Variants in WWOX observed in about 807,000 individuals in gnomAD.
WWOX encodes the protein WW domain-containing oxidoreductase.
In WWOX, 69 loss-of-function variants were observed where a neutral mutation model predicts 46.2. The ratio of observed to expected loss-of-function variants is 1.49; its 90% confidence interval spans 1.23 to 1.82. The LOEUF is 1.82. WWOX is among the 40% of genes most tolerant of loss of function. The pLI, the probability that WWOX is intolerant of heterozygous loss-of-function variation, is 0.00. For missense variants in WWOX, 919 were observed against 542.6 expected, an observed-to-expected ratio of 1.69 and a Z score of -6.89; for synonymous variants, 359 against 202.6, an observed-to-expected ratio of 1.77 and a Z score of -6.56.
intron 8 of WWOX, among the ~76,000 whole-genome samples, chr16:79,168,198 A>C (rs1039434758): frequency 3.3e-5 from 5 of 152,174 alleles, no homozygotes; most frequent in African/African-American, 7.2e-5. Flanking sequence ...ACATTTGTAT[A>C]CAAGTTTCTG....
At chr16:78,732,830 C>A (rs936985698) in intron 8 of WWOX, among the ~76,000 whole-genome samples, 49 of 152,276 alleles carry the variant, frequency 3.2e-4, no homozygotes, top group African/African-American at 1.1e-3. Context: ...ATTTCTGTAA[C>A]TCTTAGGCAG....
intron 8 of WWOX, among the ~76,000 whole-genome samples, chr16:78,606,663 A>C (rs1217008423): frequency 2.6e-5 from 4 of 151,988 alleles, no homozygotes; most frequent in East Asian, 3.8e-4. Context: ...ACATCCAGAC[A>C]AATGTGAAGC....
At chr16:78,867,585 G>C (rs144103332) in intron 8 of WWOX, among the ~76,000 whole-genome samples, 43 of 151,756 alleles carry the variant, frequency 2.8e-4, no homozygotes, top group Middle Eastern at 3.4e-3. Context: ...CTTTCACCCA[G>C]GCTGGAGTGC....
chr16:79,161,210 A>T (rs2050480166), intron 8 of WWOX, among the ~76,000 whole-genome samples: 3 of 152,180 alleles, frequency 2.0e-5, no homozygotes, highest in Admixed American at 6.5e-5. Context: ...ATATGACATG[A>T]CATTTGAGTG....
At chr16:78,839,566 C>G (rs532539881) in intron 8 of WWOX, among the ~76,000 whole-genome samples, 1 of 152,138 alleles carries the variant, frequency 6.6e-6, no homozygotes, top group African/African-American at 2.4e-5. Context: ...ATAAATATTA[C>G]TTATGTCTAT....
intron 8 of WWOX, among the ~76,000 whole-genome samples, chr16:78,592,198 C>T (rs374375975): frequency 4.6e-5 from 7 of 152,102 alleles, no homozygotes; most frequent in Non-Finnish European, 1.0e-4. Context: ...TTTTGCAAAG[C>T]GGATGTGTTT....
intron 5 of WWOX, among the ~76,000 whole-genome samples, chr16:78,357,903 G>T (rs753051984): frequency 6.6e-6 from 1 of 152,208 alleles, no homozygotes; most frequent in Non-Finnish European, 1.5e-5. Context: ...TTCTGTGCCT[G>T]TTTTCTTGCC....
At chr16:78,426,866 G>A (rs1445489780) in intron 7 of WWOX, among the ~76,000 whole-genome samples, 1 of 152,164 alleles carries the variant, frequency 6.6e-6, no homozygotes, top group Non-Finnish European at 1.5e-5. Flanking sequence ...GTTTCACCAT[G>A]TTGGCCAGGA....
At chr16:78,879,948 T>G (rs1327903675) in intron 8 of WWOX, among the ~76,000 whole-genome samples, 1 of 152,162 alleles carries the variant, frequency 6.6e-6, no homozygotes, top group Non-Finnish European at 1.5e-5. Flanking sequence ...GTATTATCCT[T>G]TAGTTTAAGC....
chr16:79,056,543 G>A (rs1222380288), intron 8 of WWOX, among the ~76,000 whole-genome samples: 2 of 152,068 alleles, frequency 1.3e-5, no homozygotes, highest in African/African-American at 2.4e-5. Flanking sequence ...CCAACATGTG[G>A]GGTTGGATAA....
intron 7 of WWOX, among the ~76,000 whole-genome samples, chr16:78,429,815 A>C (rs538800540): frequency 1.3e-5 from 2 of 152,366 alleles, no homozygotes; most frequent in East Asian, 3.9e-4. Context: ...AGAAAAAATA[A>C]CTGAAACAAA....
chr16:79,205,467 G>C (rs1350644111), intron 8 of WWOX: 1 of 152,186 alleles, frequency 6.6e-6, no homozygotes, highest in African/African-American at 2.4e-5. Flanking sequence ...TAATTTGTTA[G>C]GGAGGGCATG....
chr16:78,487,309 C>G (rs2667578), intron 8 of WWOX, among the ~76,000 whole-genome samples: 8 of 151,822 alleles, frequency 5.3e-5, no homozygotes, highest in Non-Finnish European at 1.0e-4. Flanking sequence ...GGTTATTTTC[C>G]TCCCAGAAAA....
In WWOX at chr16:78,567,819, C is replaced by T. The variant is rs555277341; in HGVS notation, c.1056+135067C>T. On this transcript the variant is annotated intron_variant, in intron 8 of 8. Coordinates refer to ENST00000566780, the MANE Select transcript of WWOX (RefSeq NM_016373.4). Reference sequence around the variant, plus strand: ...GCAGAGCCTCCAGCCGGGGTGGTCTCGAGGAGGCCCATTACCGGCTGGAGT... The same window carrying T: ...GCAGAGCCTCCAGCCGGGGTGGTCTTGAGGAGGCCCATTACCGGCTGGAGT... 5.9e-5 allele frequency among the ~76,000 whole-genome samples: 9 copies of T among 152,136 alleles called. No individual in the cohort carries two copies. In the South Asian group the frequency reaches 1.9e-3, roughly 32 times the overall value.
At chr16:78,266,217 A>G (rs367987910) in intron 5 of WWOX, among the ~76,000 whole-genome samples, 52 of 152,362 alleles carry the variant, frequency 3.4e-4, no homozygotes, top group African/African-American at 1.2e-3. Flanking sequence ...CAATAGAATA[A>G]TGTTTTATTA....
intron 8 of WWOX, among the ~76,000 whole-genome samples, chr16:78,734,651 A>G (rs1217903895): frequency 1.3e-5 from 2 of 151,930 alleles, no homozygotes; most frequent in Admixed American, 6.6e-5. Context: ...TTGGTCAAAC[A>G]TCACTCTGGG....
chr16:78,474,714 A>AT (rs142711259), intron 8 of WWOX, among the ~76,000 whole-genome samples: 7,861 of 151,922 alleles, frequency 0.052, 478 homozygotes, highest in African/African-American at 0.14. Flanking sequence ...TGCACCCCAT[A>AT]TTTTTTACCT....
chr16:78,619,142 AATATATATATAT>A (rs71140816), intron 8 of WWOX, among the ~76,000 whole-genome samples: 2 of 9,066 alleles, frequency 2.2e-4, no homozygotes, highest in Non-Finnish European at 2.1e-4. Flanking sequence ...CTAAAAAAAA[AATATATATATAT>A]ATATATATAT....
Position 78,099,690 on chromosome 16 carries a change from C to T in WWOX, c.-89C>T, listed in dbSNP as rs565620220. ...GCGTGAGCGGTCGGGCCCCGACGCG[C>T]GCGGGTCTCGTTTGGAGCGGGAGTG... On this transcript the variant is annotated 5_prime_UTR_variant, in exon 1 of 9. Transcript: ENST00000566780. 10 of 1,437,910 alleles carry T rather than the reference C, an allele frequency of 7.0e-6. No homozygotes were observed. The South Asian group carries it at 8.8e-5, about 13-fold the overall frequency. 89.1% of individuals were successfully genotyped at this position (1,437,910 alleles called of 1,614,324 possible).
Sources: gnomAD v4.1 joint callset for allele counts (sites outside exome capture counted in the v4.1 genomes callset) on GRCh38, gnomAD v4.1.1 for gene constraint, MANE v1.5 for transcripts, NCBI Gene and HGNC (gene_info 2026-07-23, HGNC 2026-07-21) for gene names.